TNIK: variants seen among roughly 807,000 people sequenced by gnomAD.
TNIK encodes the protein TRAF2 and NCK interacting kinase.
TNIK carries 49 observed loss-of-function variants against 191.3 expected under a neutral mutation model. The observed-to-expected ratio is 0.26, with a 90% confidence interval of 0.20 to 0.32. The LOEUF (loss-of-function observed/expected upper bound fraction) is 0.32, where lower values mean the gene tolerates loss of function less well. Among genes scored for constraint, TNIK ranks in the 10% least tolerant of loss-of-function variants. The probability of loss-of-function intolerance (pLI) is 1.00; values close to 1 mark genes in which losing one functional copy is unlikely to be tolerated. For missense variants in TNIK, 1,155 were observed against 1,702.3 expected (o/e 0.68, Z 5.66); for synonymous variants, 594 against 600.9 (o/e 0.99, Z 0.17).
Position 171,107,103 on chromosome 3 carries a change from C to A in TNIK, c.2406+80G>T, listed in dbSNP as rs1238809046. 9 of 1,469,918 alleles carry A rather than the reference C, an allele frequency of 6.1e-6. No homozygotes were observed. In the East Asian group the frequency reaches 1.4e-4, roughly 23 times the overall value. 91.1% of individuals were successfully genotyped at this position (1,469,918 alleles called of 1,614,324 possible). Reference sequence around the variant, plus strand: ...CCCAGCTGATTGCTCCCATTGGCCACCTTTCTGAATGTCAACATTAGGAAA... The same window carrying A: ...CCCAGCTGATTGCTCCCATTGGCCAACTTTCTGAATGTCAACATTAGGAAA... On this transcript the variant is annotated intron_variant, in intron 21 of 32. Transcript: ENST00000436636.
chr3:171,360,995 A>G lies in TNIK; in HGVS notation c.123+8625T>C, dbSNP rs572796298. On this transcript the variant is annotated intron_variant, in intron 2 of 32. Coordinates refer to ENST00000436636, the MANE Select transcript of TNIK (RefSeq NM_015028.4). ...GATGGCAATGCCAGGCAGTTGTTAG[A>G]TACTTATGAAGGCTGACACTGAATA... 3.3e-5 allele frequency among the ~76,000 whole-genome samples: 5 copies of G among 152,336 alleles called. No homozygotes were observed. The East Asian group carries it at 9.7e-4, about 29-fold the overall frequency.
chr3:171,234,647 A>G (rs750760459), intron 2 of TNIK, among the ~76,000 whole-genome samples: 19 of 152,358 alleles, frequency 1.2e-4, no homozygotes, highest in South Asian at 4.1e-4. Flanking sequence ...AGGATTCTTC[A>G]GTCTTCCTGG....
At chr3:171,105,906 C>G (rs1480112716) in intron 21 of TNIK, among the ~76,000 whole-genome samples, 1 of 152,152 alleles carries the variant, frequency 6.6e-6, no homozygotes, top group Non-Finnish European at 1.5e-5. Flanking sequence ...AATCCCTGCC[C>G]TTCTCACTAT....
At chr3:171,210,979 C>A in intron 4 of TNIK, 137 bp downstream of exon 4, 3 of 1,092,510 alleles carry the variant, frequency 2.7e-6, no homozygotes, top group Non-Finnish European at 2.5e-6. Flanking sequence ...ACCCTGAAAA[C>A]AATATGTTAC....
Position 171,383,643 on chromosome 3 carries a change from C to CA in TNIK, c.58-13959dup, listed in dbSNP as rs892651014. Among the ~76,000 whole-genome samples, 7 of 150,730 alleles carry CA rather than the reference C, an allele frequency of 4.6e-5. No homozygotes were observed. The East Asian group carries it at 5.8e-4, about 13-fold the overall frequency. Reference sequence around the variant, plus strand: ...TGTGCAAAAGCAGCATTTTCTTAGCCAAAAAAAAATTTGGAAAGGGAGGAA... The same window carrying CA: ...TGTGCAAAAGCAGCATTTTCTTAGCCAAAAAAAAAATTTGGAAAGGGAGGAA... On this transcript the variant is annotated intron_variant, in intron 1 of 32. Transcript: ENST00000436636.
chr3:171,069,362 C>G (rs1465206639), intron 29 of TNIK, among the ~76,000 whole-genome samples: 2 of 152,166 alleles, frequency 1.3e-5, no homozygotes, highest in African/African-American at 4.8e-5. Flanking sequence ...CCCCCTCTTT[C>G]CCATGTGGCA....
At chr3:171,249,536 C>T (rs1745998402) in intron 2 of TNIK, among the ~76,000 whole-genome samples, 1 of 152,122 alleles carries the variant, frequency 6.6e-6, no homozygotes, top group South Asian at 2.1e-4. Context: ...TTACTGCTCA[C>T]CAGTCCTGGG....
intron 2 of TNIK, among the ~76,000 whole-genome samples, chr3:171,320,335 T>A (rs548503982): frequency 6.6e-6 from 1 of 152,182 alleles, no homozygotes. Flanking sequence ...AAATTGTTAC[T>A]AGGGGCTTCA....
intron 8 of TNIK, among the ~76,000 whole-genome samples, chr3:171,176,544 G>A (rs1019896913): frequency 2.0e-5 from 3 of 152,206 alleles, no homozygotes; most frequent in African/African-American, 7.2e-5. Flanking sequence ...GGGAGAAAAG[G>A]TAGGTGGAAG....
chr3:171,341,298 C>A (rs1270698084), intron 2 of TNIK, among the ~76,000 whole-genome samples: 2 of 151,468 alleles, frequency 1.3e-5, no homozygotes, highest in African/African-American at 2.4e-5. Flanking sequence ...CATGGTGAAA[C>A]CCCTTCTCTA....
intron 2 of TNIK, among the ~76,000 whole-genome samples, chr3:171,308,045 T>G (rs1753643748): frequency 6.6e-6 from 1 of 152,212 alleles, no homozygotes; most frequent in South Asian, 2.1e-4. Flanking sequence ...GAACTACCAA[T>G]GACATTATTC....
chr3:171,456,076 C>A (rs1728765734), intron 1 of TNIK, among the ~76,000 whole-genome samples: 1 of 152,132 alleles, frequency 6.6e-6, no homozygotes. Context: ...AGGGGAAAGA[C>A]AAGTGTAGAT....
At chr3:171,203,508 A>G (rs61063546) in intron 4 of TNIK, among the ~76,000 whole-genome samples, 6,686 of 152,288 alleles carry the variant, frequency 0.044, 492 homozygotes, top group African/African-American at 0.15. Context: ...TTGAAATTTC[A>G]GGCCCAATAT....
At position 171,071,210 on chromosome 3, in the gene TNIK, C is replaced by T. The variant is rs746443754; in HGVS notation, c.3549+13G>A. ...TTAAAAAGCACATTTTAGATAATCA[C>T]ATCCCTGCTTACCTTAAATGCCATG... On this transcript the variant is annotated intron_variant, in intron 29 of 32. Coordinates refer to ENST00000436636, the MANE Select transcript of TNIK (RefSeq NM_015028.4). The T allele has an allele frequency of 1.3e-6, 2 of 1,575,780 alleles. No individual in the cohort carries two copies. The highest frequency in any genetic ancestry group is 2.3e-5 in the East Asian group (1 of 44,362).
chr3:171,395,765 T>A (rs745909350), intron 1 of TNIK, among the ~76,000 whole-genome samples: 1 of 152,006 alleles, frequency 6.6e-6, no homozygotes, highest in Non-Finnish European at 1.5e-5. Flanking sequence ...TTGAACGGAG[T>A]GAACATCCGT....
At chr3:171,358,397 T>A (rs1577620739) in intron 2 of TNIK, among the ~76,000 whole-genome samples, 1 of 152,144 alleles carries the variant, frequency 6.6e-6, no homozygotes, top group African/African-American at 2.4e-5. Flanking sequence ...AGAATGCTTG[T>A]GTAGGGCAAC....
At chr3:171,068,763 C>T (rs1718792594) in intron 30 of TNIK, 85 bp downstream of exon 30, 2 of 1,393,840 alleles carry the variant, frequency 1.4e-6, no homozygotes, top group Non-Finnish European at 1.9e-6. Flanking sequence ...TGCATGACTT[C>T]TACTAAAACT....
chr3:171,071,503 G>A (rs1042890696), intron 28 of TNIK, 180 bp from the exon 29 acceptor site: 3 of 572,920 alleles, frequency 5.2e-6, no homozygotes, highest in Admixed American at 6.6e-5. Flanking sequence ...GCTTCCCTTA[G>A]CGAACTTTGG....
chr3:171,250,744 C>T (rs1746131099), intron 2 of TNIK, among the ~76,000 whole-genome samples: 1 of 152,174 alleles, frequency 6.6e-6, no homozygotes, highest in African/African-American at 2.4e-5. Flanking sequence ...ATACTTAAGG[C>T]CGTTATAAGA....
Sources: gnomAD v4.1 joint callset for allele counts (sites outside exome capture counted in the v4.1 genomes callset) on GRCh38, gnomAD v4.1.1 for gene constraint, MANE v1.5 for transcripts, NCBI Gene and HGNC (gene_info 2026-07-23, HGNC 2026-07-21) for gene names.